Variants in MACROD2 observed in about 807,000 individuals in gnomAD.
MACROD2 encodes the protein ADP-ribose glycohydrolase MACROD2.
A neutral mutation model predicts 70.4 loss-of-function variants in MACROD2; 36 were observed. The observed-to-expected ratio is 0.51, with a 90% CI of 0.39 to 0.68. MACROD2 has a LOEUF of 0.68. Ranked by LOEUF, MACROD2 falls within the 30% of genes least tolerant of loss-of-function variation. The pLI, the probability that MACROD2 is intolerant of heterozygous loss-of-function variation, is 0.00. For synonymous variants in MACROD2, 172 were observed against 178.8 expected (o/e 0.96, Z 0.30); for missense variants, 496 against 538.4 (o/e 0.92, Z 0.78).
Position 14,763,321 on chromosome 20 carries a change from G to A in MACROD2, c.418+78362G>A, listed in dbSNP as rs920402151. ...GTTACTAGACCTTCAGAGTCACGGG[G>A]AAACCCTGGAGACAAAGCTGGTGTA... On this transcript the variant is annotated intron_variant, in intron 5 of 17. Transcript: ENST00000684519. Among the ~76,000 whole-genome samples, 130 of 152,040 alleles carry A rather than the reference G, an allele frequency of 8.6e-4. 1 individual carries two copies. Among genetic ancestry groups the A allele is most frequent in the Non-Finnish European group, 1.5e-3 (104 of 67,962 alleles).
At chr20:14,855,366 T>C (rs979493315) in intron 5 of MACROD2, among the ~76,000 whole-genome samples, 1 of 152,116 alleles carries the variant, frequency 6.6e-6, no homozygotes, top group Non-Finnish European at 1.5e-5. Flanking sequence ...TATGAACACA[T>C]TGCCAGGACC....
chr20:14,204,089 G>T (rs888688322), intron 3 of MACROD2, among the ~76,000 whole-genome samples: 6 of 152,172 alleles, frequency 3.9e-5, no homozygotes, highest in Admixed American at 3.3e-4. Flanking sequence ...GTGTACAGTT[G>T]GACTAGTCCC....
intron 8 of MACROD2, among the ~76,000 whole-genome samples, chr20:15,811,729 G>C (rs1444625903): frequency 6.6e-6 from 1 of 152,086 alleles, no homozygotes; most frequent in East Asian, 1.9e-4. Context: ...AAGTGTAAAG[G>C]CAGAGAGAAT....
intron 12 of MACROD2, among the ~76,000 whole-genome samples, chr20:15,941,083 C>T (rs2065745009): frequency 6.6e-6 from 1 of 152,130 alleles, no homozygotes; most frequent in Admixed American, 6.5e-5. Context: ...GGAACTCACA[C>T]CATTAATTGC....
At chr20:14,403,185 CT>C (rs1447660739) in intron 3 of MACROD2, among the ~76,000 whole-genome samples, 1 of 152,038 alleles carries the variant, frequency 6.6e-6, no homozygotes, top group Non-Finnish European at 1.5e-5. Flanking sequence ...AAAAAAATCA[CT>C]TCTAAGGGGT....
intron 3 of MACROD2, among the ~76,000 whole-genome samples, chr20:14,396,911 C>T (rs1271965274): frequency 1.9e-5 from 2 of 103,648 alleles, no homozygotes; most frequent in Non-Finnish European, 3.8e-5. Context: ...GACGACAGAG[C>T]GAGACTCCAT....
chr20:15,953,045 G>A (rs533940421), intron 12 of MACROD2, among the ~76,000 whole-genome samples: 1 of 152,232 alleles, frequency 6.6e-6, no homozygotes, highest in Admixed American at 6.5e-5. Flanking sequence ...AAAAAAGAAA[G>A]CCTGTCATTC....
chr20:15,094,339 T>C (rs2075813564), intron 5 of MACROD2, among the ~76,000 whole-genome samples: 1 of 152,160 alleles, frequency 6.6e-6, no homozygotes, highest in African/African-American at 2.4e-5. Context: ...ATAAACCAGC[T>C]GTATTTATGA....
intron 8 of MACROD2, among the ~76,000 whole-genome samples, chr20:15,523,071 A>G (rs1387690225): frequency 6.6e-6 from 1 of 152,228 alleles, no homozygotes; most frequent in African/African-American, 2.4e-5. Context: ...CTTACCACCC[A>G]GAAACTGGAT....
intron 4 of MACROD2, among the ~76,000 whole-genome samples, chr20:14,534,199 C>T (rs1568658303): frequency 2.0e-5 from 3 of 152,138 alleles, no homozygotes; most frequent in African/African-American, 4.8e-5. Flanking sequence ...CAGATTCGAG[C>T]GTTGCTTTAT....
intron 5 of MACROD2, among the ~76,000 whole-genome samples, chr20:14,769,469 A>T (rs975399212): frequency 1.3e-5 from 2 of 152,102 alleles, no homozygotes; most frequent in South Asian, 2.1e-4. Context: ...TGAATTATTT[A>T]TACAAATTTC....
rs183690020 is a variant in MACROD2, at chr20:14,022,110, C to T, written c.163+19706C>T. ...GGATGGAACTGGAAAGTGATTTTGG[C>T]GAATAGCTAGTAATTTAACCCATAT... On this transcript the variant is annotated intron_variant, in intron 2 of 17. Transcript: ENST00000684519. Among the ~76,000 whole-genome samples, 11 of 152,210 alleles carry T rather than the reference C, an allele frequency of 7.2e-5. No individual in the cohort carries two copies. The East Asian group carries it at 1.2e-3, about 16-fold the overall frequency.
chr20:15,374,692 T>C (rs2045539200), intron 6 of MACROD2, among the ~76,000 whole-genome samples: 1 of 152,174 alleles, frequency 6.6e-6, no homozygotes, highest in Non-Finnish European at 1.5e-5. Context: ...TGTTTTCAAT[T>C]TCATTTCCTG....
At chr20:15,450,887 C>T (rs191538964) in intron 7 of MACROD2, among the ~76,000 whole-genome samples, 4 of 152,236 alleles carry the variant, frequency 2.6e-5, no homozygotes, top group East Asian at 1.9e-4. Context: ...AGTTTGTCAA[C>T]GATTTTCTAC....
chr20:15,739,368 T>C (rs2051071148), intron 8 of MACROD2, among the ~76,000 whole-genome samples: 1 of 152,148 alleles, frequency 6.6e-6, no homozygotes, highest in African/African-American at 2.4e-5. Context: ...AAGTCATTGG[T>C]TTATAAATTC....
At chr20:15,043,005 G>A (rs1416989981) in intron 5 of MACROD2, among the ~76,000 whole-genome samples, 1 of 152,142 alleles carries the variant, frequency 6.6e-6, no homozygotes, top group Non-Finnish European at 1.5e-5. Context: ...GGAAGTTTGT[G>A]TGGAACTAGG....
At chr20:14,366,105 G>T (rs2083269453) in intron 3 of MACROD2, among the ~76,000 whole-genome samples, 1 of 152,104 alleles carries the variant, frequency 6.6e-6, no homozygotes, top group Non-Finnish European at 1.5e-5. Context: ...ATATGTATCT[G>T]TTGGATGTAG....
intron 3 of MACROD2, among the ~76,000 whole-genome samples, chr20:14,480,141 A>C (rs944942933): frequency 1.3e-5 from 2 of 152,092 alleles, no homozygotes; most frequent in Admixed American, 1.3e-4. Context: ...CAGCCTCCAA[A>C]AGTGCTGGGA....
intron 4 of MACROD2, among the ~76,000 whole-genome samples, chr20:14,502,725 C>A (rs1038239056): frequency 1.3e-5 from 2 of 152,018 alleles, no homozygotes; most frequent in African/African-American, 4.8e-5. Flanking sequence ...AGGGGAATAA[C>A]CTGAATTGTT....
Sources: gnomAD v4.1 joint callset for allele counts (sites outside exome capture counted in the v4.1 genomes callset) on GRCh38, gnomAD v4.1.1 for gene constraint, MANE v1.5 for transcripts, NCBI Gene and HGNC (gene_info 2026-07-23, HGNC 2026-07-21) for gene names.